Variants in RCAN2 observed in about 807,000 individuals in gnomAD.
RCAN2 encodes the protein calcipressin-2.
In RCAN2, 9 loss-of-function variants were observed where a neutral mutation model predicts 23.6. That is an observed-to-expected ratio of 0.38 (90% CI 0.23 to 0.67). RCAN2 has a LOEUF of 0.67. Among genes scored for constraint, RCAN2 ranks in the 30% least tolerant of loss-of-function variants. The pLI is 0.51. For synonymous variants in RCAN2, 109 were observed against 115.7 expected, an observed-to-expected ratio of 0.94 and a Z score of 0.37; for missense variants, 273 against 302.3, an observed-to-expected ratio of 0.90 and a Z score of 0.72.
At chr6:46,251,509 G>A (rs1258386879) in intron 2 of RCAN2, among the ~76,000 whole-genome samples, 1 of 152,130 alleles carries the variant, frequency 6.6e-6, no homozygotes, top group Non-Finnish European at 1.5e-5. Context: ...CATTTCCAGG[G>A]TGGGAGTTTC....
chr6:46,275,267 C>A (rs1767656477), intron 2 of RCAN2, among the ~76,000 whole-genome samples: 1 of 151,860 alleles, frequency 6.6e-6, no homozygotes, highest in Non-Finnish European at 1.5e-5. Flanking sequence ...CCTGAGGTGG[C>A]TAAGATTATA....
chr6:46,340,544 TG>T, intron 2 of RCAN2, among the ~76,000 whole-genome samples: 1 of 152,272 alleles, frequency 6.6e-6, no homozygotes, highest in Admixed American at 6.5e-5. Context: ...AAGCTGACCT[TG>T]GGAGCGAAGT....
intron 2 of RCAN2, among the ~76,000 whole-genome samples, chr6:46,263,537 GTA>G (rs773626476): frequency 0.093 from 5,781 of 62,172 alleles, 275 homozygotes; most frequent in African/African-American, 0.2. Flanking sequence ...GTGTGTGTGT[GTA>G]TGTGTGTGTG....
chr6:46,294,345 A>G (rs1219547388), intron 2 of RCAN2, among the ~76,000 whole-genome samples: 2 of 152,150 alleles, frequency 1.3e-5, no homozygotes, highest in African/African-American at 2.4e-5. Context: ...GAGACATCCA[A>G]TCTCATGCAT....
chr6:46,457,529 A>G (rs1437737887), intron 1 of RCAN2, among the ~76,000 whole-genome samples: 1 of 152,202 alleles, frequency 6.6e-6, no homozygotes, highest in Non-Finnish European at 1.5e-5. Context: ...TGCCACAGGA[A>G]TGAAGCAGAT....
chr6:46,292,325 T>C (rs915776240), intron 2 of RCAN2, among the ~76,000 whole-genome samples: 1 of 152,098 alleles, frequency 6.6e-6, no homozygotes, highest in African/African-American at 2.4e-5. Context: ...AAAAGACAAA[T>C]GTGTTTAAAA....
At chr6:46,462,522 T>C (rs1231078357) in intron 1 of RCAN2, among the ~76,000 whole-genome samples, 1 of 152,210 alleles carries the variant, frequency 6.6e-6, no homozygotes, top group African/African-American at 2.4e-5. Flanking sequence ...AAAGACAATA[T>C]GTTTCCTACC....
intron 1 of RCAN2, among the ~76,000 whole-genome samples, chr6:46,462,749 G>A (rs1319890960): frequency 3.3e-5 from 5 of 152,140 alleles, no homozygotes; most frequent in East Asian, 3.8e-4. Context: ...GATTAAACCC[G>A]GAGGAAGAGA....
chr6:46,306,389 G>A (rs924278432), intron 2 of RCAN2, among the ~76,000 whole-genome samples: 4 of 152,082 alleles, frequency 2.6e-5, no homozygotes, highest in African/African-American at 9.7e-5. Flanking sequence ...AAGTTCCTCC[G>A]ATCCCAGAGG....
intron 1 of RCAN2, among the ~76,000 whole-genome samples, chr6:46,479,570 G>A (rs1427643617): frequency 6.8e-6 from 1 of 146,116 alleles, no homozygotes; most frequent in Non-Finnish European, 1.5e-5. Context: ...CCGTGCAGTA[G>A]GGTCTGTCTC....
rs145600293 is a variant in RCAN2, at chr6:46,290,651, T to A, written c.226-41755A>T. Among the ~76,000 whole-genome samples, 998 of 152,294 alleles carry A rather than the reference T, an allele frequency of 6.6e-3. 11 individuals carry two copies. The highest frequency in any genetic ancestry group is 0.023 in the African/African-American group (938 of 41,550). ...TAAACCAAATGGAACAAAGTCTATC[T>A]TGAAAATTCAGAAAAAGCATAGAAG... On this transcript the variant is annotated intron_variant, in intron 2 of 4. Coordinates refer to ENST00000371374, the MANE Select transcript of RCAN2 (RefSeq NM_001251974.2).
At chr6:46,434,977 A>G (rs1439898770) in intron 2 of RCAN2, among the ~76,000 whole-genome samples, 3 of 152,104 alleles carry the variant, frequency 2.0e-5, no homozygotes, top group Non-Finnish European at 4.4e-5. Context: ...GAAGTTGTGC[A>G]CCTCCCATAT....
intron 2 of RCAN2, among the ~76,000 whole-genome samples, chr6:46,259,084 G>C (rs746187723): frequency 3.9e-5 from 6 of 152,140 alleles, no homozygotes; most frequent in Non-Finnish European, 7.4e-5. Context: ...CACTCTGGAG[G>C]CTGAGGTGGG....
At chr6:46,455,880 G>GAAAGAA (rs1189794072) in intron 2 of RCAN2, among the ~76,000 whole-genome samples, 10 of 136,582 alleles carry the variant, frequency 7.3e-5, no homozygotes, top group Admixed American at 2.2e-4. Flanking sequence ...AAGAAAGAAA[G>GAAAGAA]AAAGAAAAAG....
At chr6:46,433,954 A>G (rs1767291073) in intron 2 of RCAN2, among the ~76,000 whole-genome samples, 1 of 152,222 alleles carries the variant, frequency 6.6e-6, no homozygotes, top group African/African-American at 2.4e-5. Flanking sequence ...GTAAGTGCCC[A>G]CTTCAGCATA....
intron 2 of RCAN2, among the ~76,000 whole-genome samples, chr6:46,295,482 G>A (rs555705847): frequency 6.6e-6 from 1 of 152,264 alleles, no homozygotes; most frequent in Non-Finnish European, 1.5e-5. Context: ...CCTGACAGAA[G>A]CTTAGGAGGA....
At chr6:46,380,709 G>A (rs1304556370) in intron 2 of RCAN2, among the ~76,000 whole-genome samples, 3 of 152,152 alleles carry the variant, frequency 2.0e-5, no homozygotes, top group African/African-American at 7.2e-5. Context: ...AACCAGCTAT[G>A]ACACATAATC....
chr6:46,446,333 C>T (rs992948899), intron 2 of RCAN2, among the ~76,000 whole-genome samples: 9 of 151,806 alleles, frequency 5.9e-5, no homozygotes, highest in Admixed American at 5.9e-4. Flanking sequence ...AAACTGCCAA[C>T]CAAGAATTCT....
chr6:46,325,948 A>C, intron 2 of RCAN2: 1 of 886,328 alleles, frequency 1.1e-6, no homozygotes, highest in Non-Finnish European at 1.4e-6. Flanking sequence ...GGGAGGTGTA[A>C]TTCTGCAGAT....
Sources: gnomAD v4.1 joint callset for allele counts (sites outside exome capture counted in the v4.1 genomes callset) on GRCh38, gnomAD v4.1.1 for gene constraint, MANE v1.5 for transcripts, NCBI Gene and HGNC (gene_info 2026-07-23, HGNC 2026-07-21) for gene names.